WDR72: variants seen among roughly 807,000 people sequenced by gnomAD.
The protein encoded by WDR72 is WD repeat-containing protein 72.
A neutral mutation model predicts 124.2 loss-of-function variants in WDR72; 120 were observed. That is an observed-to-expected ratio of 0.97 (90% confidence interval 0.83 to 1.12). The LOEUF is 1.12. Ranked by LOEUF, WDR72 falls within the 50% of genes most tolerant of loss-of-function variation. The pLI, the probability that WDR72 is intolerant of heterozygous loss-of-function variation, is 0.00. For synonymous variants in WDR72, 452 were observed against 441.7 expected (o/e 1.02, Z -0.29); for missense variants, 1,387 against 1,278.8 (o/e 1.08, Z -1.29).
rs565060320 is a variant in WDR72, at chr15:53,713,134, G to A, written c.592-243C>T. Among the ~76,000 whole-genome samples, 282 of 147,760 alleles carry A rather than the reference G, an allele frequency of 1.9e-3. 1 individual carries two copies. The highest frequency in any genetic ancestry group is 7.1e-3 in the Middle Eastern group (2 of 280). ...TAATTTACCTGTATAACAAACCTGC[G>A]TATGTACTCCTGAAAGTTTAAAAAA... On this transcript the variant is annotated intron_variant, in intron 6 of 19. Transcript: ENST00000360509.
intron 2 of WDR72, among the ~76,000 whole-genome samples, chr15:53,724,769 A>AT (rs2017974017): frequency 6.6e-6 from 1 of 152,194 alleles, no homozygotes; most frequent in Non-Finnish European, 1.5e-5. Flanking sequence ...ATGTATTCAT[A>AT]TATCAAATCA....
intron 13 of WDR72, among the ~76,000 whole-genome samples, chr15:53,675,689 G>C (rs1175349030): frequency 6.6e-6 from 1 of 152,108 alleles, no homozygotes; most frequent in Admixed American, 6.5e-5. Context: ...TCCTTGAAGA[G>C]ATTTGAGTCT....
chr15:53,599,114 T>C (rs924179149), intron 17 of WDR72, among the ~76,000 whole-genome samples: 2 of 150,400 alleles, frequency 1.3e-5, no homozygotes, highest in Non-Finnish European at 3.0e-5. Flanking sequence ...ACAAATATGG[T>C]ATATATATAT....
At chr15:53,678,843 A>G (rs768286125) in intron 13 of WDR72, among the ~76,000 whole-genome samples, 1 of 152,204 alleles carries the variant, frequency 6.6e-6, no homozygotes, top group African/African-American at 2.4e-5. Context: ...ATATGAATAG[A>G]TATTTGTATA....
chr15:53,679,447 A>G (rs2016301458), intron 13 of WDR72, among the ~76,000 whole-genome samples: 1 of 152,222 alleles, frequency 6.6e-6, no homozygotes, highest in Non-Finnish European at 1.5e-5. Context: ...CCCAAAGAAC[A>G]ATATACAGAA....
chr15:53,642,233 A>G (rs2014879741), intron 14 of WDR72, among the ~76,000 whole-genome samples: 1 of 152,008 alleles, frequency 6.6e-6, no homozygotes, highest in Non-Finnish European at 1.5e-5. Context: ...ATAATTGTAT[A>G]TTAGCATATA....
rs2140585662 is a variant in WDR72 at position 53,725,438 on chromosome 15, G to T, written c.154-2530C>A. On this transcript the variant is annotated intron_variant, in intron 2 of 19. Transcript: ENST00000360509. ...AAACATATTCTTACCATACAACACA[G>T]CAATCATGCTCATTGATATTTAACC... Among the ~76,000 whole-genome samples the T allele has an allele frequency of 2.0e-5, 3 of 152,278 alleles. No individual in the cohort carries two copies. The East Asian group carries it at 5.8e-4, about 29-fold the overall frequency.
intron 1 of WDR72, among the ~76,000 whole-genome samples, chr15:53,753,765 T>G (rs2018830565): frequency 6.6e-6 from 1 of 152,222 alleles, no homozygotes; most frequent in South Asian, 2.1e-4. Context: ...GTATACTCAA[T>G]TCAGCAAGTG....
chr15:53,575,309 C>A (rs1894713100), intron 18 of WDR72, among the ~76,000 whole-genome samples: 1 of 151,970 alleles, frequency 6.6e-6, no homozygotes, highest in Admixed American at 6.6e-5. Context: ...TTACATTACA[C>A]CAAGGAGATG....
chr15:53,682,479 G>C (rs1196616998), intron 13 of WDR72, among the ~76,000 whole-genome samples: 3 of 152,096 alleles, frequency 2.0e-5, no homozygotes, highest in Non-Finnish European at 4.4e-5. Context: ...TCAAAGTAAG[G>C]TCAAACTCTT....
intron 15 of WDR72, among the ~76,000 whole-genome samples, chr15:53,614,772 A>G (rs2013686355): frequency 6.6e-6 from 1 of 151,972 alleles, no homozygotes; most frequent in South Asian, 2.1e-4. Context: ...CACCCACCTC[A>G]TTTTGTAAAT....
rs757748194 is a variant in WDR72 at position 53,715,262 on chromosome 15, T to C, written c.445A>G (p.Ser149Gly). 19 of 1,614,058 alleles carry C rather than the reference T, an allele frequency of 1.2e-5. No individual in the cohort carries two copies. Among genetic ancestry groups the C allele is most frequent in the Middle Eastern group, 3.3e-4 (2 of 6,084 alleles). The change falls in exon 5 of 20, where the codon AGT (serine) becomes GGT (glycine). Residue 149 changes from serine (S) to glycine (G), a missense_variant. Physicochemically the swap from Ser to Gly is moderately conservative, Grantham distance 56 (BLOSUM62 0). Coordinates refer to ENST00000360509, the MANE Select transcript of WDR72 (RefSeq NM_182758.4). ...TCAGGAAACTGAGATGATCTAAAAC[T>C]GTGAACAACAGCCAAAGTTTTGGCA... ...IDAKTLAVVH[S>G]FRSSQFPDWI... is the part of the protein sequence containing the mutation.
At chr15:53,612,195 C>T (rs1264010582) in intron 16 of WDR72, among the ~76,000 whole-genome samples, 2 of 152,116 alleles carry the variant, frequency 1.3e-5, no homozygotes, top group African/African-American at 4.8e-5. Flanking sequence ...TTGAACTCAT[C>T]CACTAATTCA....
At chr15:53,669,278 A>G (rs1360537874) in intron 13 of WDR72, among the ~76,000 whole-genome samples, 3 of 151,982 alleles carry the variant, frequency 2.0e-5, no homozygotes, top group African/African-American at 7.2e-5. Flanking sequence ...CCGCGAGGGA[A>G]TATTTCTGGA....
intron 14 of WDR72, among the ~76,000 whole-genome samples, chr15:53,625,718 C>T (rs895731332): frequency 1.2e-4 from 18 of 151,574 alleles, no homozygotes; most frequent in Admixed American, 5.9e-4. Context: ...TTAAAACCAA[C>T]GCCAATGACA....
chr15:53,627,289 T>A (rs1424295585), intron 14 of WDR72, among the ~76,000 whole-genome samples: 1 of 152,238 alleles, frequency 6.6e-6, no homozygotes. Context: ...GTCACTGAGC[T>A]GTATAAGGAA....
chr15:53,535,585 T>A (rs1244772552), intron 18 of WDR72, among the ~76,000 whole-genome samples: 1 of 152,188 alleles, frequency 6.6e-6, no homozygotes, highest in African/African-American at 2.4e-5. Flanking sequence ...CAGCTGAACC[T>A]GGGAGGAACC....
At chr15:53,587,044 T>G (rs9672398) in intron 18 of WDR72, among the ~76,000 whole-genome samples, 69,512 of 151,834 alleles carry the variant, frequency 0.46, 16,084 homozygotes, top group Middle Eastern at 0.62. Context: ...ACTGGGTTTC[T>G]CAATGATTGT....
At chr15:53,616,330 G>GTAT (rs1310604137) in intron 14 of WDR72, 87 bp from the exon 15 acceptor site, 4 of 1,148,436 alleles carry the variant, frequency 3.5e-6, no homozygotes, top group Non-Finnish European at 5.1e-6. Context: ...TTTTTAAAAA[G>GTAT]TATTACATTG....
Sources: gnomAD v4.1 joint callset for allele counts (sites outside exome capture counted in the v4.1 genomes callset) on GRCh38, gnomAD v4.1.1 for gene constraint, MANE v1.5 for transcripts, NCBI Gene and HGNC (gene_info 2026-07-23, HGNC 2026-07-21) for gene names.